Variants in NBPF6 observed in about 807,000 individuals in gnomAD.
NBPF6 encodes NBPF family member NBPF6.
A neutral mutation model predicts 20.8 loss-of-function variants in NBPF6; 2 were observed. The ratio of observed to expected loss-of-function variants is 0.10; its 90% CI spans 0.04 to 0.30. The LOEUF is 0.30. Ranked by LOEUF, NBPF6 falls within the 10% of genes least tolerant of loss-of-function variation. NBPF6 has a pLI of 1.00. For missense variants in NBPF6, 85 were observed against 260.3 expected, an observed-to-expected ratio of 0.33 and a Z score of 4.63; for synonymous variants, 24 against 100.0, an observed-to-expected ratio of 0.24 and a Z score of 4.53.
intron 14 of NBPF6, 69 bp downstream of exon 14, chr1:108,467,734 C>T (rs1653219361): frequency 2.6e-6 from 4 of 1,534,680 alleles, no homozygotes; most frequent in Non-Finnish European, 3.5e-6. Context: ...AGCTCATTCT[C>T]TCACTGCTTT....
At chr1:108,470,417 TTTCTTCTCA>T (rs1210286833) in intron 14 of NBPF6, among the ~76,000 whole-genome samples, 171 bp from the exon 15 acceptor site, 4 of 146,726 alleles carry the variant, frequency 2.7e-5, no homozygotes, top group Admixed American at 6.7e-5. Flanking sequence ...TCAGGAGTGT[TTTCTTCTCA>T]CTTGTGGATG....
intron 14 of NBPF6, among the ~76,000 whole-genome samples, chr1:108,469,209 T>C (rs1225337573): frequency 6.6e-6 from 1 of 151,352 alleles, no homozygotes. Context: ...ATAGTCATGA[T>C]ATTAACACCT....
rs1395946820 is a variant in NBPF6, at chr1:108,471,337, C to T, written c.*699C>T. The stretch of plus-strand genomic sequence containing the variant: ...AAAATGTCGTCATGATTAAATTCAG[C>T]CTAAACATTTTGCCAGGAACTCTGC... On this transcript the variant is annotated 3_prime_UTR_variant, in exon 15 of 15. Coordinates refer to ENST00000495380, the MANE Select transcript of NBPF6 (RefSeq NM_001143988.2). Among the ~76,000 whole-genome samples, 2 of 152,070 alleles carry T rather than the reference C, an allele frequency of 1.3e-5. No homozygotes were observed. Among genetic ancestry groups the T allele is most frequent in the Non-Finnish European group, 2.9e-5 (2 of 68,012 alleles).
the NBPF6 span, among the ~76,000 whole-genome samples, chr1:108,429,499 C>T: frequency 9.6e-6 from 1 of 104,402 alleles, no homozygotes; most frequent in African/African-American, 3.4e-5. Flanking sequence ...GCTTTTGCTG[C>T]ACCCCAGAGA....
Position 108,471,313 on chromosome 1 carries a change from A to G in NBPF6, c.*675A>G, listed in dbSNP as rs1239590720. On this transcript the variant is annotated 3_prime_UTR_variant, in exon 15 of 15. Transcript: ENST00000495380. Reference sequence around the variant, plus strand: ...TGGTCTACATTCTGAAGTTATCTGAAAATGTCGTCATGATTAAATTCAGCC... The same window carrying G: ...TGGTCTACATTCTGAAGTTATCTGAGAATGTCGTCATGATTAAATTCAGCC... Among the ~76,000 whole-genome samples the G allele has an allele frequency of 6.6e-6, 1 of 152,132 alleles. No homozygotes were observed. The highest frequency in any genetic ancestry group is 1.5e-5 in the Non-Finnish European group (1 of 68,026).
rs9440565 is a variant in NBPF6, at chr1:108,470,882, G to A, written c.*244G>A. 32,857 of 385,042 alleles carry A rather than the reference G, an allele frequency of 0.085. 2,427 individuals carry two copies. The highest frequency in any genetic ancestry group is 0.28 in the African/African-American group (13,020 of 46,726). The allele number at this position is 385,042 out of a possible 1,614,324, so 23.9% of individuals were successfully genotyped here. ...AGATGGACAAATAGCATTGACTGGCGTTAGCCCTGTTTCTCAATTCCCATC... is the reference window on the plus strand; with the variant it reads ...AGATGGACAAATAGCATTGACTGGCATTAGCCCTGTTTCTCAATTCCCATC... On this transcript the variant is annotated 3_prime_UTR_variant, in exon 15 of 15. Coordinates refer to ENST00000495380, the MANE Select transcript of NBPF6 (RefSeq NM_001143988.2).
rs759252996 is a variant in NBPF6, at chr1:108,452,980, TTGTGTGTGTGTG to T, written c.279-183_279-172del. Among the ~76,000 whole-genome samples, 2 of 47,326 alleles carry T rather than the reference TTGTGTGTGTGTG, an allele frequency of 4.2e-5. 1 individual carries two copies. Among genetic ancestry groups the T allele is most frequent in the African/African-American group, 1.5e-4 (2 of 13,638 alleles). The allele number at this position is 47,326 out of a possible 152,430, so 31.0% of individuals were successfully genotyped here. A position where few individuals can be genotyped will look rare whatever the true frequency, so the allele number is the denominator to read the frequency against. Reference sequence around the variant, plus strand: ...TGTGTGTGTGTGTGTGTATGTTTGTTTGTGTGTGTGTGTGTGTGTGTGTGTGTGTATATATAT... The same window carrying T: ...TGTGTGTGTGTGTGTGTATGTTTGTTTGTGTGTGTGTGTGTGTATATATAT... On this transcript the variant is annotated intron_variant, in intron 3 of 14. Transcript: ENST00000495380.
At chr1:108,448,344 C>A (rs1249529387), upstream of NBPF6, among the ~76,000 whole-genome samples, 2 of 148,604 alleles carry the variant, frequency 1.3e-5, no homozygotes, top group Non-Finnish European at 3.0e-5. Context: ...ATCATTGGTA[C>A]TCAATAGAAT....
intron 14 of NBPF6, among the ~76,000 whole-genome samples, 199 bp downstream of exon 14, chr1:108,467,864 A>G (rs1653227354): frequency 6.7e-6 from 1 of 149,926 alleles, no homozygotes; most frequent in South Asian, 2.1e-4. Context: ...TACTCTCTGA[A>G]CTCTGCTCTA....
At chr1:108,448,025 G>C (rs528553773), upstream of NBPF6, among the ~76,000 whole-genome samples, 3 of 145,760 alleles carry the variant, frequency 2.1e-5, no homozygotes, top group African/African-American at 7.6e-5. Flanking sequence ...ATAGAGCTAA[G>C]AGTAAAATCT....
rs554498065 is a variant in NBPF6 at position 108,465,622 on chromosome 1, C to T, written c.1660+198C>T. ...TCTCAGGACCTGGGTTTGCCACTTTCTGCTTGTTGACTTTGGCCAAGGTTT... is the reference window on the plus strand; with the variant it reads ...TCTCAGGACCTGGGTTTGCCACTTTTTGCTTGTTGACTTTGGCCAAGGTTT... On this transcript the variant is annotated intron_variant, in intron 13 of 14. Coordinates refer to ENST00000495380, the MANE Select transcript of NBPF6 (RefSeq NM_001143988.2). Among the ~76,000 whole-genome samples the T allele has an allele frequency of 2.4e-5, 2 of 81,742 alleles. 1 individual carries two copies. The highest frequency in any genetic ancestry group is 2.5e-4 in the Admixed American group (2 of 8,144). The allele number at this position is 81,742 out of a possible 152,430, so 53.6% of individuals were successfully genotyped here. A position where few individuals can be genotyped will look rare whatever the true frequency, so the allele number is the denominator to read the frequency against.
At chr1:108,448,308 A>G (rs1652689567), upstream of NBPF6, among the ~76,000 whole-genome samples, 2 of 146,958 alleles carry the variant, frequency 1.4e-5, no homozygotes, top group South Asian at 4.2e-4. Flanking sequence ...AAGAAAAGTT[A>G]TAAAAAGGCA....
chr1:108,429,528 T>C, the NBPF6 span, among the ~76,000 whole-genome samples: 246 of 117,888 alleles, frequency 2.1e-3, 2 homozygotes, highest in Middle Eastern at 0.014. Flanking sequence ...CGTTGTCTCT[T>C]TGTTCCCATT....
At chr1:108,452,968 G>A (rs768809269) in intron 3 of NBPF6, among the ~76,000 whole-genome samples, 11 of 58,668 alleles carry the variant, frequency 1.9e-4, no homozygotes, top group African/African-American at 3.7e-4. Context: ...GTGTGTGTGT[G>A]TGTATGTTTG....
Position 108,470,908 on chromosome 1 carries a change from A to G in NBPF6, c.*270A>G, listed in dbSNP as rs146163296. The G allele has an allele frequency of 1.0e-3, 346 of 338,406 alleles. No individual in the cohort carries two copies. Among genetic ancestry groups the G allele is most frequent in the African/African-American group, 4.7e-3 (219 of 46,656 alleles). 21.0% of individuals were successfully genotyped at this position (338,406 alleles called of 1,614,324 possible). On this transcript the variant is annotated 3_prime_UTR_variant, in exon 15 of 15. Transcript: ENST00000495380. ...TTAGCCCTGTTTCTCAATTCCCATC[A>G]TGTAGAGAACAGGAGTCCGCAGCTG...
upstream of NBPF6, among the ~76,000 whole-genome samples, chr1:108,447,774 A>G (rs1321318186): frequency 6.4e-5 from 9 of 140,680 alleles, no homozygotes; most frequent in Non-Finnish European, 1.3e-4. Context: ...GGACGAGGGT[A>G]AGTGCAGGAT....
intron 14 of NBPF6, among the ~76,000 whole-genome samples, chr1:108,467,927 C>CT (rs557775738): frequency 0.011 from 1,688 of 151,020 alleles, 122 homozygotes; most frequent in African/African-American, 0.038. Flanking sequence ...GAGAGCCAGG[C>CT]CTCCTTGTCC....
At chr1:108,453,004 G>GTA (rs1325004895) in intron 3 of NBPF6, among the ~76,000 whole-genome samples, 177 bp from the exon 4 acceptor site, 2 of 62,730 alleles carry the variant, frequency 3.2e-5, no homozygotes, top group African/African-American at 1.1e-4. Flanking sequence ...GTGTGTGTGT[G>GTA]TGTGTATATA....
chr1:108,437,797 AGGGGAGGGGAGGAGAGGGAGGGCAG>A, the NBPF6 span, among the ~76,000 whole-genome samples: 1 of 28,414 alleles, frequency 3.5e-5, no homozygotes, highest in Non-Finnish European at 9.1e-5. Context: ...AGAGGGAGGG[AGGGGAGGGGAGGAGAGGGAGGGCAG>A]GGGAGGGGAG....
Sources: allele counts gnomAD v4.1 joint callset (sites outside exome capture counted in the v4.1 genomes callset), GRCh38; gene constraint gnomAD v4.1.1; transcripts MANE v1.5; gene names NCBI Gene and HGNC (gene_info 2026-07-23, HGNC 2026-07-21).